FANK1: variants seen among roughly 807,000 people sequenced by gnomAD.
The protein encoded by FANK1 is fibronectin type III and ankyrin repeat domains 1.
A neutral mutation model predicts 45.3 loss-of-function variants in FANK1; 44 were observed. That is an observed-to-expected ratio of 0.97 (90% CI 0.76 to 1.25). The LOEUF is 1.25. Ranked by LOEUF, FANK1 falls within the 50% of genes most tolerant of loss-of-function variation. The probability of loss-of-function intolerance (pLI) is 0.00; values close to 1 mark genes in which losing one functional copy is unlikely to be tolerated. For missense variants in FANK1, 391 were observed against 424.4 expected (o/e 0.92, Z 0.69); for synonymous variants, 149 against 152.5 (o/e 0.98, Z 0.17).
chr10:125,930,907 C>T (rs1432127429), intron 1 of FANK1, among the ~76,000 whole-genome samples: 2 of 152,168 alleles, frequency 1.3e-5, no homozygotes, highest in Non-Finnish European at 2.9e-5. Flanking sequence ...TCCATTGTAT[C>T]ATTCTTATGC....
At chr10:125,988,959 C>T in intron 3 of FANK1, 1 of 550,310 alleles carries the variant, frequency 1.8e-6, no homozygotes. Flanking sequence ...GGAAATGGGC[C>T]ACAGGGGTGT....
chr10:125,991,077 A>C lies in FANK1; in HGVS notation c.316+2402A>C, dbSNP rs1951895984. On this transcript the variant is annotated intron_variant, in intron 3 of 10. Transcript: ENST00000368693. The stretch of plus-strand genomic sequence containing the variant: ...CAAGATGAGATTTGGGTGGGGACAC[A>C]GCCAAACTATATCAGGCTGTGCCTG... Among the ~76,000 whole-genome samples, 7 of 152,234 alleles carry C rather than the reference A, an allele frequency of 4.6e-5. No homozygotes were observed. The South Asian group carries it at 6.2e-4, about 14-fold the overall frequency.
intron 1 of FANK1, among the ~76,000 whole-genome samples, chr10:125,944,208 T>C (rs1948628423): frequency 6.6e-6 from 1 of 152,230 alleles, no homozygotes; most frequent in Non-Finnish European, 1.5e-5. Context: ...ACTGGAGAAT[T>C]TGTAGCAATA....
intron 1 of FANK1, among the ~76,000 whole-genome samples, chr10:125,966,440 TC>T (rs1017422094): frequency 1.3e-5 from 2 of 152,058 alleles, no homozygotes; most frequent in Non-Finnish European, 2.9e-5. Context: ...TGCACCTGCC[TC>T]CCCCATGCAC....
intron 2 of FANK1, among the ~76,000 whole-genome samples, chr10:125,985,302 G>A (rs1951479996): frequency 1.3e-5 from 2 of 152,178 alleles, no homozygotes; most frequent in South Asian, 4.1e-4. Context: ...CTTTTCAGAT[G>A]CCACACATTA....
rs376761181 is a variant in FANK1, at chr10:125,995,385, C to T, written c.317-32C>T. 3.7e-6 allele frequency: 6 copies of T among 1,601,878 alleles called. No individual in the cohort carries two copies. In the African/African-American group the frequency reaches 6.7e-5, roughly 18 times the overall value. ...GGAAGCAGTCTCCTTTTCTGATGTTCTGGATGACTGCCTTCCATCTCATTT... is the reference window on the plus strand; with the variant it reads ...GGAAGCAGTCTCCTTTTCTGATGTTTTGGATGACTGCCTTCCATCTCATTT... On this transcript the variant is annotated intron_variant, in intron 3 of 10. Transcript: ENST00000368693.
chr10:126,005,368 C>T lies in FANK1; in HGVS notation c.705+319C>T, dbSNP rs1039044408. Among the ~76,000 whole-genome samples the T allele has an allele frequency of 7.5e-5, 11 of 146,466 alleles. No individual in the cohort carries two copies. In the Middle Eastern group the frequency reaches 0.011, roughly 151 times the overall value. On this transcript the variant is annotated intron_variant, in intron 7 of 10. Transcript: ENST00000368693. ...TGTCGCCCACGCTGGAGTGCAGTGG[C>T]GCGATCTCGGTTCATTGAGGCCTCC...
At chr10:126,004,051 C>T (rs187335048) in intron 6 of FANK1, 171 of 150,780 alleles carry the variant, frequency 1.1e-3, no homozygotes, top group African/African-American at 3.8e-3. Flanking sequence ...TTGGGAATTG[C>T]AAATAAGGGT....
chr10:125,928,531 C>A (rs1207377522), intron 1 of FANK1, among the ~76,000 whole-genome samples: 1 of 152,160 alleles, frequency 6.6e-6, no homozygotes, highest in Non-Finnish European at 1.5e-5. Flanking sequence ...GAATGCAGCC[C>A]AGTAGGTCTC....
chr10:125,958,965 CCAAAT>C (rs1293708613), intron 1 of FANK1, among the ~76,000 whole-genome samples: 1 of 152,048 alleles, frequency 6.6e-6, no homozygotes, highest in Non-Finnish European at 1.5e-5. Context: ...TCTGAAAGCC[CCAAAT>C]CAAATCAAAG....
At chr10:125,952,199 TA>T (rs60371139) in intron 1 of FANK1, among the ~76,000 whole-genome samples, 82 of 148,816 alleles carry the variant, frequency 5.5e-4, no homozygotes, top group East Asian at 9.8e-4. Context: ...TGATTTGCTT[TA>T]AAAAAAAAAG....
intron 1 of FANK1, among the ~76,000 whole-genome samples, chr10:125,924,823 A>T (rs1234026757): frequency 6.5e-3 from 852 of 131,038 alleles, no homozygotes; most frequent in Middle Eastern, 0.032. Context: ...AAAAAAAAAA[A>T]AAAAAGACTA....
chr10:125,914,000 A>C (rs1946242763), intron 1 of FANK1, among the ~76,000 whole-genome samples: 1 of 152,034 alleles, frequency 6.6e-6, no homozygotes, highest in African/African-American at 2.4e-5. Context: ...AGGGGGATGG[A>C]TCTCCTTCTC....
At chr10:125,978,738 C>A (rs940659625) in intron 1 of FANK1, among the ~76,000 whole-genome samples, 1 of 152,200 alleles carries the variant, frequency 6.6e-6, no homozygotes, top group East Asian at 1.9e-4. Context: ...CCCCTGGGAG[C>A]TCCTTCTTAG....
chr10:125,989,793 A>C (rs1420400170), intron 3 of FANK1, among the ~76,000 whole-genome samples: 1 of 152,224 alleles, frequency 6.6e-6, no homozygotes, highest in African/African-American at 2.4e-5. Context: ...ACAGCAGAAC[A>C]TGAGCTCTGT....
chr10:125,924,323 G>A (rs111736348), intron 1 of FANK1, among the ~76,000 whole-genome samples: 3 of 148,386 alleles, frequency 2.0e-5, no homozygotes, highest in South Asian at 2.1e-4. Context: ...GCACAATCTC[G>A]GCTCACTGCA....
chr10:125,976,636 T>TC (rs397814200), intron 1 of FANK1, among the ~76,000 whole-genome samples: 4 of 152,002 alleles, frequency 2.6e-5, no homozygotes, highest in Non-Finnish European at 4.4e-5. Flanking sequence ...TTTTTTTTTT[T>TC]CCCTGAGACG....
chr10:125,982,307 G>C (rs1951273355), intron 2 of FANK1, among the ~76,000 whole-genome samples: 1 of 152,224 alleles, frequency 6.6e-6, no homozygotes, highest in Non-Finnish European at 1.5e-5. Flanking sequence ...GCGTGTGCTG[G>C]CTTCCAGCCT....
At chr10:126,008,378 T>A in intron 7 of FANK1, 29 bp from the exon 8 acceptor site, 1 of 1,550,258 alleles carries the variant, frequency 6.5e-7, no homozygotes, top group Non-Finnish European at 8.7e-7. Context: ...GAAATTGGGC[T>A]CAACACAGCT....
Sources: allele counts gnomAD v4.1 joint callset (sites outside exome capture counted in the v4.1 genomes callset), GRCh38; gene constraint gnomAD v4.1.1; transcripts MANE v1.5; gene names NCBI Gene and HGNC (gene_info 2026-07-23, HGNC 2026-07-21).